The following FUT9 variants were observed in gnomAD, a reference collection of about 807,000 sequenced individuals.
FUT9 encodes fucosyltransferase 9, also known as 4-galactosyl-N-acetylglucosaminide 3-alpha-L-fucosyltransferase 9.
A neutral mutation model predicts 29.7 loss-of-function variants in FUT9; 15 were observed. The observed-to-expected ratio is 0.51, with a 90% CI of 0.34 to 0.78. FUT9 has a LOEUF of 0.78. Among genes scored for constraint, FUT9 ranks in the 30% least tolerant of loss-of-function variants. FUT9 has a pLI of 0.01. For missense variants in FUT9, 319 were observed against 425.4 expected (o/e 0.75, Z 2.20); for synonymous variants, 169 against 153.7 (o/e 1.10, Z -0.74).
rs200622046 is a variant in FUT9, at chr6:96,056,756, T to TA, written c.-98+40555dup. 5.0e-3 allele frequency among the ~76,000 whole-genome samples: 711 copies of TA among 141,612 alleles called. 3 individuals carry two copies. The highest frequency in any genetic ancestry group is 0.013 in the African/African-American group (516 of 38,786). The allele number at this position is 141,612 out of a possible 152,430, so 92.9% of individuals were successfully genotyped here. A position where few individuals can be genotyped will look rare whatever the true frequency, so the allele number is the denominator to read the frequency against. Reference sequence around the variant, plus strand: ...GAGACTCCATCTTTAAAGGAAAAAATAAAAAAAAAAACCTAAGCTTTTAAA... The same window carrying TA: ...GAGACTCCATCTTTAAAGGAAAAAATAAAAAAAAAAAACCTAAGCTTTTAAA... On this transcript the variant is annotated intron_variant, in intron 1 of 2. Coordinates refer to ENST00000302103, the MANE Select transcript of FUT9 (RefSeq NM_006581.4).
rs202069230 is a variant in FUT9, at chr6:96,197,185, G to A, written c.-8-5963G>A. ...AAAAAAGAATTTTAAAAAGACATGC[G>A]TTGGACTGTCTAAAGAGAAACCCAC... On this transcript the variant is annotated intron_variant, in intron 2 of 2. Transcript: ENST00000302103. 1.1e-4 allele frequency among the ~76,000 whole-genome samples: 16 copies of A among 152,136 alleles called. No individual in the cohort carries two copies. The South Asian group carries it at 1.7e-3, about 16-fold the overall frequency.
chr6:96,190,381 T>C (rs1773483433), intron 2 of FUT9, among the ~76,000 whole-genome samples: 1 of 152,088 alleles, frequency 6.6e-6, no homozygotes, highest in African/African-American at 2.4e-5. Context: ...GATAATTATG[T>C]GTCTTGGAGT....
intron 2 of FUT9, among the ~76,000 whole-genome samples, chr6:96,202,818 G>A (rs1773751875): frequency 6.6e-6 from 1 of 152,074 alleles, no homozygotes; most frequent in African/African-American, 2.4e-5. Flanking sequence ...TTTAGTCATG[G>A]CTTTAGCGAT....
At chr6:96,105,817 C>A (rs2127958533) in intron 1 of FUT9, among the ~76,000 whole-genome samples, 1 of 152,212 alleles carries the variant, frequency 6.6e-6, no homozygotes, top group Non-Finnish European at 1.5e-5. Flanking sequence ...AAATTAGGAA[C>A]ATTGTTAGAT....
chr6:96,055,846 G>T (rs941817262), intron 1 of FUT9, among the ~76,000 whole-genome samples: 8 of 151,526 alleles, frequency 5.3e-5, no homozygotes, highest in African/African-American at 1.9e-4. Context: ...ACCCTGGCCG[G>T]ACTCTAGACA....
chr6:96,083,492 G>C (rs755871125), intron 1 of FUT9, among the ~76,000 whole-genome samples: 1 of 152,046 alleles, frequency 6.6e-6, no homozygotes, highest in African/African-American at 2.4e-5. Context: ...TGATATTGTT[G>C]ATCACAGGTC....
At chr6:96,081,694 A>T (rs1023863690) in intron 1 of FUT9, among the ~76,000 whole-genome samples, 8 of 151,854 alleles carry the variant, frequency 5.3e-5, no homozygotes, top group African/African-American at 1.9e-4. Context: ...ACATATTTAG[A>T]GTAGAAGAAC....
At chr6:96,193,749 C>A (rs370673939) in intron 2 of FUT9, among the ~76,000 whole-genome samples, 2 of 152,190 alleles carry the variant, frequency 1.3e-5, no homozygotes, top group South Asian at 2.1e-4. Flanking sequence ...AAGACACATG[C>A]ACATGTATGT....
intron 1 of FUT9, among the ~76,000 whole-genome samples, chr6:96,075,525 A>G (rs1771129483): frequency 6.6e-6 from 1 of 152,194 alleles, no homozygotes; most frequent in Non-Finnish European, 1.5e-5. Context: ...TTTGACATAT[A>G]TACAAACTCA....
intron 1 of FUT9, among the ~76,000 whole-genome samples, chr6:96,020,392 G>T (rs1300686547): frequency 1.3e-5 from 2 of 152,052 alleles, no homozygotes; most frequent in African/African-American, 2.4e-5. Context: ...CACAGAGAAG[G>T]TTTCGTATCC....
chr6:96,017,574 TATTTTAGAGAAATGATGAAAAGGC>T (rs1160208193), intron 1 of FUT9, among the ~76,000 whole-genome samples: 1 of 152,186 alleles, frequency 6.6e-6, no homozygotes, highest in African/African-American at 2.4e-5. Context: ...TATGGTTTAA[TATTTTAGAGAAATGATGAAAAGGC>T]ATTCATTTCA....
At chr6:96,093,735 A>T (rs935114764) in intron 1 of FUT9, among the ~76,000 whole-genome samples, 3 of 152,140 alleles carry the variant, frequency 2.0e-5, no homozygotes, top group Admixed American at 2.0e-4. Context: ...CCACATACAC[A>T]CACAAAATGA....
chr6:96,110,833 A>ATTTATTTATTTATTTT (rs1771792934), intron 1 of FUT9, among the ~76,000 whole-genome samples: 1 of 151,186 alleles, frequency 6.6e-6, no homozygotes, highest in African/African-American at 2.4e-5. Flanking sequence ...TTATTTATTT[A>ATTTATTTATTTATTTT]TTTATTTTTT....
intron 1 of FUT9, among the ~76,000 whole-genome samples, chr6:96,027,701 A>G (rs1314577543): frequency 3.3e-5 from 5 of 151,660 alleles, no homozygotes; most frequent in African/African-American, 1.2e-4. Flanking sequence ...CTGTGCAGTG[A>G]ACTTGAAGGA....
intron 1 of FUT9, among the ~76,000 whole-genome samples, chr6:96,022,589 T>C (rs9498700): frequency 4.6e-5 from 7 of 151,904 alleles, no homozygotes; most frequent in African/African-American, 7.3e-5. Flanking sequence ...AGAGTTAAAT[T>C]TAAGGCACTT....
intron 2 of FUT9, among the ~76,000 whole-genome samples, chr6:96,168,658 A>C (rs1319679001): frequency 6.6e-6 from 1 of 152,238 alleles, no homozygotes; most frequent in Admixed American, 6.5e-5. Context: ...GAAAAAGTGA[A>C]GAAAGTGAAC....
rs1212599739 is a variant in FUT9, at chr6:96,203,257, C to T, written c.102C>T (p.Asn34=). 1.2e-6 allele frequency: 2 copies of T among 1,613,790 alleles called. No homozygotes were observed. The highest frequency in any genetic ancestry group is 2.7e-5 in the African/African-American group (2 of 74,908). Residue 34 remains asparagine (N), a synonymous_variant, in exon 3 of 3, where the codon AAC becomes AAT. Coordinates refer to ENST00000302103, the MANE Select transcript of FUT9 (RefSeq NM_006581.4). ...ACLLIYIKPT[N]SWIFSPMESA... ...TTCTCATTTACATCAAACCTACCAACAGCTGGATCTTCAGTCCAATGGAAT... is the reference window on the plus strand; with the variant it reads ...TTCTCATTTACATCAAACCTACCAATAGCTGGATCTTCAGTCCAATGGAAT...
intron 2 of FUT9, among the ~76,000 whole-genome samples, chr6:96,196,803 C>T (rs1029597706): frequency 6.6e-6 from 1 of 152,162 alleles, no homozygotes; most frequent in Non-Finnish European, 1.5e-5. Flanking sequence ...GCATTCCTTC[C>T]TTCTGGTAAG....
At chr6:96,048,778 G>C (rs140544555) in intron 1 of FUT9, among the ~76,000 whole-genome samples, 301 of 152,244 alleles carry the variant, frequency 2.0e-3, no homozygotes, top group Non-Finnish European at 3.8e-3. Flanking sequence ...TGGGAAATGA[G>C]AGGGGGGGAA....
Sources: allele counts gnomAD v4.1 joint callset (sites outside exome capture counted in the v4.1 genomes callset), GRCh38; gene constraint gnomAD v4.1.1; transcripts MANE v1.5; gene names NCBI Gene and HGNC (gene_info 2026-07-23, HGNC 2026-07-21).